SCN8A: variants seen among roughly 807,000 people sequenced by gnomAD.
SCN8A encodes the protein sodium voltage-gated channel alpha subunit 8.
A neutral mutation model predicts 184.1 loss-of-function variants in SCN8A; 30 were observed. The observed-to-expected ratio is 0.16, with a 90% CI of 0.12 to 0.22. SCN8A has a LOEUF of 0.22. SCN8A is among the 10% of genes least tolerant of loss of function. The pLI, the probability that SCN8A is intolerant of heterozygous loss-of-function variation, is 1.00. For missense variants in SCN8A, 1,057 were observed against 2,498.9 expected (o/e 0.42, Z 12.30); for synonymous variants, 852 against 907.0 (o/e 0.94, Z 1.09).
chr12:51,689,816 G>A (rs975339438), intron 6 of SCN8A: 8 of 152,162 alleles, frequency 5.3e-5, no homozygotes, highest in Admixed American at 1.3e-4. Context: ...GCAACAAAAA[G>A]TATAGAAGTT....
intron 13 of SCN8A, among the ~76,000 whole-genome samples, chr12:51,750,262 G>A (rs1942575944): frequency 6.6e-6 from 1 of 152,188 alleles, no homozygotes; most frequent in Admixed American, 6.5e-5. Flanking sequence ...TGTATTTCAT[G>A]TATTGGGGGT....
At chr12:51,704,799 C>G (rs1382130650) in intron 9 of SCN8A, among the ~76,000 whole-genome samples, 2 of 151,092 alleles carry the variant, frequency 1.3e-5, no homozygotes, top group African/African-American at 2.4e-5. Flanking sequence ...ATAGTGAAAC[C>G]CCGTCTCTAC....
rs773009820 is a variant in SCN8A at position 51,688,800 on chromosome 12, A to G, written c.615-205A>G. The G allele has an allele frequency of 4.8e-5, 78 of 1,613,878 alleles. No homozygotes were observed. Among genetic ancestry groups the G allele is most frequent in the Non-Finnish European group, 6.4e-5 (75 of 1,179,880 alleles). ...TAAACCTAGGCAATGTTTCAGCTCT[A>G]CGCACTTTCAGGGTACTGAGGGCTT... On this transcript the variant is annotated intron_variant, in intron 5 of 26. Transcript: ENST00000627620.
intron 2 of SCN8A, among the ~76,000 whole-genome samples, chr12:51,666,276 G>A (rs1941031118): frequency 1.3e-5 from 2 of 152,204 alleles, no homozygotes; most frequent in Admixed American, 1.3e-4. Context: ...TTCAGGTTCA[G>A]GGAGTGTCTT....
intron 3 of SCN8A, 68 bp downstream of exon 3, chr12:51,684,360 T>C: frequency 2.5e-6 from 2 of 797,802 alleles, no homozygotes; most frequent in Non-Finnish European, 4.5e-6. Context: ...TTTCCAATAT[T>C]TGACAACTGG....
At chr12:51,608,034 T>C (rs1249060662) in intron 1 of SCN8A, among the ~76,000 whole-genome samples, 2 of 149,878 alleles carry the variant, frequency 1.3e-5, no homozygotes, top group African/African-American at 2.4e-5. Flanking sequence ...TTTTTTTTTT[T>C]TTTTGAGATG....
At chr12:51,624,771 T>C (rs1448803640) in intron 1 of SCN8A, among the ~76,000 whole-genome samples, 2 of 152,196 alleles carry the variant, frequency 1.3e-5, no homozygotes, top group Non-Finnish European at 2.9e-5. Context: ...CTTTAATCCA[T>C]CTTGAATTAA....
intron 12 of SCN8A, among the ~76,000 whole-genome samples, chr12:51,735,896 G>T (rs568823657): frequency 6.6e-6 from 1 of 152,028 alleles, no homozygotes. Context: ...TACCTATTTC[G>T]CACCTTTTTG....
In SCN8A at chr12:51,768,986, T is replaced by G; in HGVS notation, c.3023T>G (p.Val1008Gly). 1.9e-6 allele frequency: 3 copies of G among 1,613,998 alleles called. No individual in the cohort carries two copies. Among genetic ancestry groups the G allele is most frequent in the Non-Finnish European group, 1.7e-6 (2 of 1,179,882 alleles). Reference protein sequence around the residue: ...QISVIRIKKGVAWTKLKVHAF... With the variant: ...QISVIRIKKGGAWTKLKVHAF... ...TCAGTGATCCGTATCAAGAAGGGTG[T>G]GGCCTGGACCAAACTAAAGGTGCAC... Residue 1008 changes from valine (V) to glycine (G), a missense_variant, in exon 17 of 27, where the codon GTG becomes GGG. Around this residue, in one of 19 missense-constraint regions of SCN8A, gnomAD observed 178 missense variants for 259.6 expected, o/e 0.69. Transcript: ENST00000627620.
chr12:51,591,823 C>T (rs1162715637), intron 1 of SCN8A, among the ~76,000 whole-genome samples: 5 of 151,752 alleles, frequency 3.3e-5, no homozygotes, highest in African/African-American at 9.7e-5. Flanking sequence ...GCATCCTTCT[C>T]CCTCAGCCGG....
At chr12:51,623,198 T>C (rs944363809) in intron 1 of SCN8A, among the ~76,000 whole-genome samples, 2 of 152,230 alleles carry the variant, frequency 1.3e-5, no homozygotes, top group African/African-American at 4.8e-5. Flanking sequence ...AGCATTGGGT[T>C]GCATGCTGCT....
At chr12:51,669,653 A>G (rs1941096928) in intron 2 of SCN8A, among the ~76,000 whole-genome samples, 2 of 152,200 alleles carry the variant, frequency 1.3e-5, no homozygotes, top group Non-Finnish European at 2.9e-5. Flanking sequence ...TTTAAAACAC[A>G]TTAGGATCTT....
rs544225179 is a variant in SCN8A at position 51,728,760 on chromosome 12, A to G, written c.1998+6852A>G. 3.3e-5 allele frequency among the ~76,000 whole-genome samples: 5 copies of G among 150,868 alleles called. No homozygotes were observed. In the South Asian group the frequency reaches 1.0e-3, roughly 32 times the overall value. ...AAAAAAAAAAAAAAAAAAATTCCCA[A>G]ATGGCCAGGACTTGATTCATAACTG... On this transcript the variant is annotated intron_variant, in intron 12 of 26. Transcript: ENST00000627620.
intron 6 of SCN8A, among the ~76,000 whole-genome samples, chr12:51,694,989 G>C (rs1258370425): frequency 4.6e-5 from 7 of 152,206 alleles, no homozygotes; most frequent in African/African-American, 1.7e-4. Flanking sequence ...TCTTGGCTGA[G>C]ACCAATGTAT....
chr12:51,780,565 C>CTTTTCT (rs1937873541), intron 20 of SCN8A, 84 bp from the exon 21 acceptor site: 2 of 293,008 alleles, frequency 6.8e-6, no homozygotes, highest in Admixed American at 3.3e-4. Flanking sequence ...TGTTTTCTTT[C>CTTTTCT]TTTTTTTTTT....
intron 1 of SCN8A, among the ~76,000 whole-genome samples, chr12:51,618,328 C>T (rs1002080886): frequency 6.6e-6 from 1 of 151,988 alleles, no homozygotes; most frequent in African/African-American, 2.4e-5. Flanking sequence ...CCTTTCGTGT[C>T]TAGGGGCTCC....
chr12:51,741,669 A>C (rs1053959445), intron 12 of SCN8A, among the ~76,000 whole-genome samples: 2 of 151,946 alleles, frequency 1.3e-5, no homozygotes, highest in African/African-American at 4.8e-5. Flanking sequence ...TGAGGCTTGC[A>C]AATATTATTA....
chr12:51,607,195 C>T (rs1939613801), intron 1 of SCN8A, among the ~76,000 whole-genome samples: 1 of 152,084 alleles, frequency 6.6e-6, no homozygotes, highest in African/African-American at 2.4e-5. Context: ...CCTTGCCTGG[C>T]CGGGGTTTAG....
At chr12:51,792,988 T>G (rs917033512) in intron 25 of SCN8A, among the ~76,000 whole-genome samples, 1 of 151,960 alleles carries the variant, frequency 6.6e-6, no homozygotes, top group African/African-American at 2.4e-5. Context: ...AGTGATCAAT[T>G]TTGGGAGGCC....
Sources: gnomAD v4.1 joint callset for allele counts (sites outside exome capture counted in the v4.1 genomes callset) on GRCh38, gnomAD v4.1.1 for gene constraint, gnomAD v4.1.1 regional missense constraint, MANE v1.5 for transcripts, NCBI Gene and HGNC (gene_info 2026-07-23, HGNC 2026-07-21) for gene names.